Variants in CACNA2D3 observed in about 807,000 individuals in gnomAD.
CACNA2D3 encodes voltage-dependent calcium channel subunit alpha-2/delta-3.
Under a neutral mutation model 160.6 loss-of-function variants are expected in CACNA2D3, and 60 were observed. The observed-to-expected ratio is 0.37, with a 90% CI of 0.30 to 0.46. The LOEUF (loss-of-function observed/expected upper bound fraction) is 0.46, where lower values mean the gene tolerates loss of function less well. Ranked by LOEUF, CACNA2D3 falls within the 20% of genes least tolerant of loss-of-function variation. The pLI is 1.00. For missense variants in CACNA2D3, 1,205 were observed against 1,365.0 expected (o/e 0.88, Z 1.85); for synonymous variants, 558 against 492.9 (o/e 1.13, Z -1.75).
At chr3:54,562,699 G>T (rs749875589) in intron 5 of CACNA2D3, 101 bp from the exon 6 acceptor site, 8 of 984,548 alleles carry the variant, frequency 8.1e-6, no homozygotes, top group Middle Eastern at 2.2e-4. Context: ...CTGCAAGATG[G>T]AGTACCTTGT....
chr3:54,127,545 T>C (rs936396870), intron 2 of CACNA2D3, among the ~76,000 whole-genome samples: 1 of 152,222 alleles, frequency 6.6e-6, no homozygotes, highest in Non-Finnish European at 1.5e-5. Flanking sequence ...CCCAGCACTC[T>C]TCAGATTGCT....
At chr3:54,631,702 A>G (rs1299744456) in intron 10 of CACNA2D3, among the ~76,000 whole-genome samples, 2 of 152,222 alleles carry the variant, frequency 1.3e-5, no homozygotes, top group African/African-American at 2.4e-5. Context: ...TCTTGATACA[A>G]ATGGCTTTGA....
chr3:54,485,122 G>A (rs572239381), intron 4 of CACNA2D3, among the ~76,000 whole-genome samples: 88 of 151,986 alleles, frequency 5.8e-4, no homozygotes, highest in African/African-American at 2.1e-3. Context: ...TGGGATTACA[G>A]GCATGAGCCA....
chr3:54,596,285 C>T (rs1575369397), intron 9 of CACNA2D3, among the ~76,000 whole-genome samples: 1 of 152,142 alleles, frequency 6.6e-6, no homozygotes, highest in African/African-American at 2.4e-5. Flanking sequence ...TCAGCCCTGG[C>T]CTTGGTGCAG....
intron 17 of CACNA2D3, among the ~76,000 whole-genome samples, chr3:54,871,211 A>G (rs1575521781): frequency 8.9e-6 from 1 of 112,414 alleles, no homozygotes; most frequent in Admixed American, 1.1e-4. Context: ...ACACACACAC[A>G]CACACACACA....
At chr3:54,869,836 C>T (rs1699485813) in intron 17 of CACNA2D3, among the ~76,000 whole-genome samples, 1 of 152,228 alleles carries the variant, frequency 6.6e-6, no homozygotes, top group South Asian at 2.1e-4. Context: ...GGCTTCCATG[C>T]ACACAGGAAC....
chr3:54,832,271 G>C (rs1027408638), intron 14 of CACNA2D3, among the ~76,000 whole-genome samples: 5 of 152,200 alleles, frequency 3.3e-5, no homozygotes, highest in Non-Finnish European at 7.3e-5. Context: ...AGCTCGCGCA[G>C]AGTGTGTGTG....
At chr3:54,572,354 T>C (rs1027737589) in intron 8 of CACNA2D3, among the ~76,000 whole-genome samples, 1 of 152,216 alleles carries the variant, frequency 6.6e-6, no homozygotes, top group Non-Finnish European at 1.5e-5. Context: ...AGTTTAAATA[T>C]TTGTTGAATG....
At chr3:54,642,414 C>A (rs199697215) in intron 11 of CACNA2D3, among the ~76,000 whole-genome samples, 173 bp downstream of exon 11, 2 of 152,010 alleles carry the variant, frequency 1.3e-5, no homozygotes, top group African/African-American at 4.8e-5. Flanking sequence ...TTCTTGTTTT[C>A]AAAAAATGAA....
At position 54,385,783 on chromosome 3, in the gene CACNA2D3, T is replaced by C. The variant is rs571427307; in HGVS notation, c.322-932T>C. 6 of 399,342 alleles carry C rather than the reference T, an allele frequency of 1.5e-5. No individual in the cohort carries two copies. In the East Asian group the frequency reaches 3.8e-4, roughly 25 times the overall value. The allele number at this position is 399,342 out of a possible 1,614,324, so 24.7% of individuals were successfully genotyped here. A position where few individuals can be genotyped will look rare whatever the true frequency, so the allele number is the denominator to read the frequency against. ...GTGGCCTATTAAACTCAGGCCTATA[T>C]TATGTCAAGAAAAAGCAAGTTAAAG... On this transcript the variant is annotated intron_variant, in intron 3 of 37. Transcript: ENST00000474759.
chr3:54,927,071 A>G (rs1393913871), intron 27 of CACNA2D3, among the ~76,000 whole-genome samples: 1 of 152,222 alleles, frequency 6.6e-6, no homozygotes, highest in Non-Finnish European at 1.5e-5. Context: ...CCAAAACTCA[A>G]AATAGTTATC....
intron 2 of CACNA2D3, among the ~76,000 whole-genome samples, chr3:54,316,669 G>C (rs1054768625): frequency 6.6e-6 from 1 of 152,212 alleles, no homozygotes; most frequent in Non-Finnish European, 1.5e-5. Flanking sequence ...AGATTAGTTA[G>C]CGATGTTACA....
chr3:54,152,906 C>T (rs1275469960), intron 2 of CACNA2D3, among the ~76,000 whole-genome samples: 3 of 152,276 alleles, frequency 2.0e-5, no homozygotes, highest in Non-Finnish European at 4.4e-5. Flanking sequence ...GAGAGGTCCC[C>T]TGGGAAGGAG....
intron 6 of CACNA2D3, 127 bp from the exon 7 acceptor site, chr3:54,569,668 T>C: frequency 1.3e-6 from 1 of 743,786 alleles, no homozygotes; most frequent in Non-Finnish European, 2.3e-6. Flanking sequence ...TGTGATGAGC[T>C]CTGGGGTTGG....
rs1406738274 is a variant in CACNA2D3, at chr3:54,514,036, T to TTGTG, written c.544+10383_544+10386dup. Among the ~76,000 whole-genome samples the TTGTG allele has an allele frequency of 9.2e-5, 14 of 152,344 alleles. 1 individual carries two copies. The East Asian group carries it at 2.7e-3, about 29-fold the overall frequency. On this transcript the variant is annotated intron_variant, in intron 5 of 37. Coordinates refer to ENST00000474759, the MANE Select transcript of CACNA2D3 (RefSeq NM_018398.3). ...AATGGAAGGCCCTGTTTTTGTCAAA[T>TTGTG]TGTGCTATTTTCATCTCAGCATATG...
intron 11 of CACNA2D3, among the ~76,000 whole-genome samples, chr3:54,740,648 C>A (rs1262544797): frequency 1.3e-5 from 2 of 152,176 alleles, no homozygotes; most frequent in East Asian, 3.9e-4. Context: ...ACAGAGTGAA[C>A]ACTGTCCTCA....
intron 14 of CACNA2D3, among the ~76,000 whole-genome samples, chr3:54,833,632 G>A (rs1308236703): frequency 6.6e-6 from 1 of 151,986 alleles, no homozygotes. Flanking sequence ...ATTTCCTATG[G>A]CAAGAGTATA....
rs149313432 is a variant in CACNA2D3 at position 55,037,547 on chromosome 3, A to G, written c.2987+19230A>G. ...CAAGAGGGCGGGCCGAAGATAAACC[A>G]AAGCCAGGATGCAGAAGTCTGCCAT... On this transcript the variant is annotated intron_variant, in intron 35 of 37. Transcript: ENST00000474759. Among the ~76,000 whole-genome samples the G allele has an allele frequency of 5.1e-3, 774 of 152,312 alleles. 5 individuals carry two copies. The highest frequency in any genetic ancestry group is 0.017 in the African/African-American group (725 of 41,554).
intron 2 of CACNA2D3, among the ~76,000 whole-genome samples, chr3:54,229,237 G>T (rs1701726598): frequency 6.6e-6 from 1 of 151,896 alleles, no homozygotes; most frequent in African/African-American, 2.4e-5. Context: ...TGTCGCCCAG[G>T]CTGGAATGCA....
Sources: gnomAD v4.1 joint callset for allele counts (sites outside exome capture counted in the v4.1 genomes callset) on GRCh38, gnomAD v4.1.1 for gene constraint, MANE v1.5 for transcripts, NCBI Gene and HGNC (gene_info 2026-07-23, HGNC 2026-07-21) for gene names.